The following XPO1 variants were observed in gnomAD, a reference collection of about 807,000 sequenced individuals.
The protein encoded by XPO1 is exportin-1.
XPO1 carries 5 observed loss-of-function variants against 133.3 expected under a neutral mutation model. That is an observed-to-expected ratio of 0.04 (90% CI 0.02 to 0.08). The LOEUF (loss-of-function observed/expected upper bound fraction) is 0.08, where lower values mean the gene tolerates loss of function less well. Ranked by LOEUF, XPO1 falls within the 10% of genes least tolerant of loss-of-function variation. The pLI is 1.00. For synonymous variants in XPO1, 419 were observed against 408.2 expected (o/e 1.03, Z -0.32); for missense variants, 506 against 1,267.5 (o/e 0.40, Z 9.12).
intron 23 of XPO1, among the ~76,000 whole-genome samples, 168 bp downstream of exon 23, chr2:61,482,212 T>TA (rs201504088): frequency 8.5e-4 from 22 of 25,970 alleles, no homozygotes; most frequent in East Asian, 2.2e-3. Flanking sequence ...CACTTCTGAC[T>TA]ACTTTTTTTT....
At chr2:61,511,010 G>A (rs1156519046) in intron 4 of XPO1, among the ~76,000 whole-genome samples, 1 of 151,776 alleles carries the variant, frequency 6.6e-6, no homozygotes, top group African/African-American at 2.4e-5. Flanking sequence ...TCAAGTATAG[G>A]CCTTTCATGG....
intron 4 of XPO1, among the ~76,000 whole-genome samples, chr2:61,509,452 C>T (rs1233800279): frequency 5.3e-5 from 8 of 152,058 alleles, no homozygotes; most frequent in Non-Finnish European, 1.2e-4. Context: ...CATGAAGAAA[C>T]CCTGTCTCTA....
At position 61,495,445 on chromosome 2, in the gene XPO1, CAT is replaced by C. The variant is rs748445197; in HGVS notation, c.1047+8_1047+9del. The C allele has an allele frequency of 1.6e-5, 25 of 1,519,554 alleles. No homozygotes were observed. The highest frequency in any genetic ancestry group is 8.3e-5 in the Admixed American group (4 of 47,994). The allele number at this position is 1,519,554 out of a possible 1,614,324, so 94.1% of individuals were successfully genotyped here. On this transcript the variant is annotated splice_region_variant and intron_variant, in intron 11 of 24. Transcript: ENST00000401558. ...CAGAATTTTAGGAGCAAAAGCTCCA[CAT>C]ATCTTACCTCCATAAGAGTTTCCCT... is the stretch of plus-strand genomic sequence containing the variant.
chr2:61,538,609 A>G (rs192831089), upstream of XPO1: 557 of 152,376 alleles, frequency 3.7e-3, 1 homozygote, highest in Non-Finnish European at 4.8e-3. Context: ...TGAGTAGAAA[A>G]GAGAGCGAAG....
intron 4 of XPO1, among the ~76,000 whole-genome samples, chr2:61,504,895 A>G (rs1451722251): frequency 6.6e-6 from 1 of 152,252 alleles, no homozygotes; most frequent in Non-Finnish European, 1.5e-5. Context: ...AAATATTACT[A>G]ATGCAGTAAA....
chr2:61,528,442 GACCAATAT>G (rs1478289850), intron 2 of XPO1, among the ~76,000 whole-genome samples: 1 of 151,942 alleles, frequency 6.6e-6, no homozygotes, highest in Non-Finnish European at 1.5e-5. Flanking sequence ...AGACCATCCT[GACCAATAT>G]GGCGAAACCC....
intron 4 of XPO1, chr2:61,502,645 C>T (rs1005412577): frequency 1.2e-4 from 24 of 204,804 alleles, no homozygotes; most frequent in African/African-American, 3.1e-4. Context: ...CCCAGCTACT[C>T]GGGAGGCTGA....
At chr2:61,526,208 C>T (rs1698899742) in intron 3 of XPO1, 1 of 1,350,326 alleles carries the variant, frequency 7.4e-7, no homozygotes, top group African/African-American at 1.5e-5. Context: ...AAAAAAGCCA[C>T]CTTGCATACT....
chr2:61,519,698 C>CAAAAAAAAAAAAA, intron 4 of XPO1, among the ~76,000 whole-genome samples: 3 of 72,774 alleles, frequency 4.1e-5, no homozygotes, highest in Non-Finnish European at 7.3e-5. Context: ...GACTCCGTCT[C>CAAAAAAAAAAAAA]AAAAAAAAAA....
At chr2:61,518,188 G>C (rs1698490803) in intron 4 of XPO1, among the ~76,000 whole-genome samples, 1 of 151,540 alleles carries the variant, frequency 6.6e-6, no homozygotes, top group African/African-American at 2.4e-5. Context: ...AGGAGTTCCA[G>C]GCTGCAGTGA....
chr2:61,485,950 A>G lies in XPO1; in HGVS notation c.2326T>C (p.Phe776Leu). The change falls in exon 20 of 25, where the codon TTT (phenylalanine) becomes CTT (leucine). Residue 776 changes from phenylalanine (F) to leucine (L), a missense_variant. By Grantham distance (22) the Phe-to-Leu change is conservative. Around this residue, in one of 6 missense-constraint regions of XPO1, gnomAD observed 203 missense variants for 365.9 expected, o/e 0.55. Coordinates refer to ENST00000401558, the MANE Select transcript of XPO1 (RefSeq NM_003400.4). ...SNDPQMVAEN[F>L]VPPLLDAVLI... is the part of the protein sequence containing the mutation. ...ACTGCATCCAACAGAGGGGGAACAAAATTTTCAGCGACCTGTTGGGGAGGG... is the reference window on the plus strand; with the variant it reads ...ACTGCATCCAACAGAGGGGGAACAAGATTTTCAGCGACCTGTTGGGGAGGG... 6.2e-7 allele frequency: 1 copy of G among 1,607,818 alleles called. No individual in the cohort carries two copies. Among genetic ancestry groups the G allele is most frequent in the East Asian group, 2.2e-5 (1 of 44,784 alleles).
At chr2:61,527,343 C>T (rs1334543992) in intron 2 of XPO1, among the ~76,000 whole-genome samples, 2 of 132,336 alleles carry the variant, frequency 1.5e-5, no homozygotes, top group Non-Finnish European at 3.3e-5. Flanking sequence ...AAAAAGAAAG[C>T]TGCACATGGT....
At position 61,496,829 on chromosome 2, in the gene XPO1, T is replaced by G. The variant is rs116145604; in HGVS notation, c.888+50A>C. ...ATAACTCATTTGGAATTTGGTATTTTCTAAGGCACTAAAATTATTCAGCCA... is the reference window on the plus strand; with the variant it reads ...ATAACTCATTTGGAATTTGGTATTTGCTAAGGCACTAAAATTATTCAGCCA... On this transcript the variant is annotated intron_variant, in intron 10 of 24. Transcript: ENST00000401558. 1,603 of 1,453,342 alleles carry G rather than the reference T, an allele frequency of 1.1e-3. 3 individuals are homozygous for G. The highest frequency in any genetic ancestry group is 1.5e-3 in the South Asian group (101 of 66,672). 90.0% of individuals were successfully genotyped at this position (1,453,342 alleles called of 1,614,324 possible). A position where few individuals can be genotyped will look rare whatever the true frequency, so the allele number is the denominator to read the frequency against.
At chr2:61,489,875 T>C (rs1156582770) in intron 17 of XPO1, among the ~76,000 whole-genome samples, 1 of 150,694 alleles carries the variant, frequency 6.6e-6, no homozygotes, top group Non-Finnish European at 1.5e-5. Context: ...TAATATCAAA[T>C]GAGAATGGAA....
At chr2:61,532,486 T>C (rs1291552421) in intron 2 of XPO1, among the ~76,000 whole-genome samples, 3 of 151,258 alleles carry the variant, frequency 2.0e-5, no homozygotes, top group Admixed American at 1.3e-4. Flanking sequence ...TAACCTCCCA[T>C]CTACTAGCTG....
At position 61,492,788 on chromosome 2, in the gene XPO1, A is replaced by G; in HGVS notation, c.1385-40T>C. The G allele has an allele frequency of 6.3e-7, 1 of 1,595,612 alleles. No homozygotes were observed. Among genetic ancestry groups the G allele is most frequent in the African/African-American group, 1.4e-5 (1 of 74,070 alleles). On this transcript the variant is annotated intron_variant, in intron 13 of 24. Transcript: ENST00000401558. This position sits in a 1 kb window ranked among gnomAD's most constrained non-coding sequence, Gnocchi z 5.6. The stretch of plus-strand genomic sequence containing the variant: ...ATGGTTTCAAATGCAAATAATGAGC[A>G]GAATTTTATTGATGAGTAACAATAC...
intron 6 of XPO1, among the ~76,000 whole-genome samples, chr2:61,501,280 A>T (rs1441932501): frequency 6.6e-6 from 1 of 152,178 alleles, no homozygotes; most frequent in Non-Finnish European, 1.5e-5. Flanking sequence ...TGATATTACT[A>T]TAGAAAACAG....
intron 4 of XPO1, among the ~76,000 whole-genome samples, chr2:61,520,104 C>G (rs1198793252): frequency 2.0e-5 from 3 of 152,102 alleles, no homozygotes; most frequent in Non-Finnish European, 4.4e-5. Context: ...GCACAATATG[C>G]ACCCCAGGTG....
chr2:61,496,896 T>C lies in XPO1; in HGVS notation c.871A>G (p.Met291Val), dbSNP rs1697266700. 3.1e-6 allele frequency: 5 copies of C among 1,603,928 alleles called. No homozygotes were observed. The highest frequency in any genetic ancestry group is 4.2e-6 in the Non-Finnish European group (5 of 1,176,876). ...TATATTACCTGCTTTAGTTGCATCA[T>C]TGTCAGAGTAAATAGTGTTACAAAT... Reference protein sequence around the residue: ...EQFVTLFTLTMMQLKQMLPLN... With the variant: ...EQFVTLFTLTVMQLKQMLPLN... The change falls in exon 10 of 25, where the codon ATG becomes GTG. Residue 291 changes from methionine (M) to valine (V), a missense_variant. Coordinates refer to ENST00000401558, the MANE Select transcript of XPO1 (RefSeq NM_003400.4).
Sources: allele counts gnomAD v4.1 joint callset (sites outside exome capture counted in the v4.1 genomes callset), GRCh38; gene constraint gnomAD v4.1.1; regional missense constraint gnomAD v4.1.1; non-coding constraint Gnocchi (gnomAD v3.1); transcripts MANE v1.5; gene names NCBI Gene and HGNC (gene_info 2026-07-23, HGNC 2026-07-21).